Variants in SRGAP3 observed in about 807,000 individuals in gnomAD.
SRGAP3 encodes SLIT-ROBO Rho GTPase-activating protein 3.
Under a neutral mutation model 121.1 loss-of-function variants are expected in SRGAP3, and 39 were observed. The ratio of observed to expected loss-of-function variants is 0.32; its 90% CI spans 0.25 to 0.42. The LOEUF (loss-of-function observed/expected upper bound fraction) is 0.42, where lower values mean the gene tolerates loss of function less well. Among genes scored for constraint, SRGAP3 ranks in the 10% least tolerant of loss-of-function variants. SRGAP3 has a pLI of 1.00. For synonymous variants in SRGAP3, 601 were observed against 570.0 expected (o/e 1.05, Z -0.77); for missense variants, 1,213 against 1,470.6 (o/e 0.82, Z 2.86).
chr3:9,049,522 G>T, intron 9 of SRGAP3: 1 of 455,908 alleles, frequency 2.2e-6, no homozygotes, highest in Non-Finnish European at 4.4e-6. Flanking sequence ...TGGGTACCTC[G>T]GGCAGATTAC....
rs748768469 is a variant in SRGAP3, at chr3:8,994,475, G to A, written c.2276C>T (p.Ser759Phe). The A allele has an allele frequency of 3.7e-6, 6 of 1,614,052 alleles. No homozygotes were observed. In the African/African-American group the frequency reaches 6.7e-5, roughly 18 times the overall value. Residue 759 changes from serine (S) to phenylalanine (F), a missense_variant, in exon 19 of 22, where the codon TCC becomes TTC. Ser to Phe is a radical substitution (Grantham distance 155). This residue lies in a region of SRGAP3 where 793 missense variants were observed against 1,032.9 expected (regional missense o/e 0.77). Coordinates refer to ENST00000383836, the MANE Select transcript of SRGAP3 (RefSeq NM_014850.4). ...AIAKFDYMGR[S>F]PRELSFKKGA... ...CTTCTTGAAGGATAGCTCACGCGGG[G>A]ACCGCCCCATGTAGTCAAACTTGGC...
chr3:9,056,254 G>A lies in SRGAP3; in HGVS notation c.1104C>T (p.Thr368=), dbSNP rs1455531681. ...RYHQLQSRLA[T]LKIENEEVRK... ...TCACCTCCTCATTCTCTATCTTGAGGGTGGCCAGTCTGGACTGCAGCTGGT... is the reference window on the plus strand; with the variant it reads ...TCACCTCCTCATTCTCTATCTTGAGAGTGGCCAGTCTGGACTGCAGCTGGT... Residue 368 remains threonine (T), a synonymous_variant, in exon 8 of 22, where the codon ACC becomes ACT. Transcript: ENST00000383836. 1 of 1,614,070 alleles carries A rather than the reference G, an allele frequency of 6.2e-7. No homozygotes were observed. Among genetic ancestry groups the A allele is most frequent in the Admixed American group, 1.7e-5 (1 of 60,032 alleles).
chr3:9,317,965 T>C (rs1001222120), intron 3 of SRGAP3, among the ~76,000 whole-genome samples: 1 of 152,278 alleles, frequency 6.6e-6, no homozygotes, highest in Non-Finnish European at 1.5e-5. Context: ...GTGCTGGTTA[T>C]GGTTCTTAAT....
intron 1 of SRGAP3, chr3:9,219,637 T>A: frequency 6.6e-6 from 1 of 151,942 alleles, no homozygotes; most frequent in East Asian, 1.9e-4. Context: ...GATCACGGGG[T>A]CAGGAGATCA....
chr3:9,029,792 T>G lies in SRGAP3; in HGVS notation c.1540-2797A>C, dbSNP rs569796426. 2.6e-5 allele frequency among the ~76,000 whole-genome samples: 4 copies of G among 152,282 alleles called. No individual in the cohort carries two copies. The South Asian group carries it at 8.3e-4, about 32-fold the overall frequency. ...CTTAGCTCATAGTAGGTGCACAGTA[T>G]GAGTTTATTGAACTGTGCTGATGGT... is the stretch of plus-strand genomic sequence containing the variant. On this transcript the variant is annotated intron_variant, in intron 12 of 21. Coordinates refer to ENST00000383836, the MANE Select transcript of SRGAP3 (RefSeq NM_014850.4).
chr3:8,992,320 T>A lies in SRGAP3; in HGVS notation c.2558+586A>T, dbSNP rs537318256. 1.2e-4 allele frequency among the ~76,000 whole-genome samples: 18 copies of A among 152,316 alleles called. No individual in the cohort carries two copies. In the South Asian group the frequency reaches 3.7e-3, roughly 32 times the overall value. On this transcript the variant is annotated intron_variant, in intron 20 of 21. Coordinates refer to ENST00000383836, the MANE Select transcript of SRGAP3 (RefSeq NM_014850.4). ...ATTAATTTTTTAAAAAATAACCACATACTTTGGATTATACCTGTTCTCAGA... is the reference window on the plus strand; with the variant it reads ...ATTAATTTTTTAAAAAATAACCACAAACTTTGGATTATACCTGTTCTCAGA...
At chr3:9,082,755 T>G (rs989158130) in intron 3 of SRGAP3, among the ~76,000 whole-genome samples, 6 of 152,158 alleles carry the variant, frequency 3.9e-5, no homozygotes, top group Admixed American at 6.5e-5. Flanking sequence ...CTTGCAGAGG[T>G]GAGAAGCCTC....
intron 1 of SRGAP3, among the ~76,000 whole-genome samples, chr3:9,199,287 A>G (rs539262210): frequency 3.0e-4 from 45 of 152,342 alleles, no homozygotes; most frequent in African/African-American, 1.1e-3. Context: ...TTCTCACTTC[A>G]TCAGCACCTC....
intron 16 of SRGAP3, 33 bp downstream of exon 16, chr3:9,013,704 A>G (rs760310597): frequency 6.2e-7 from 1 of 1,610,300 alleles, no homozygotes; most frequent in Admixed American, 1.7e-5. Flanking sequence ...GCCAGGCCTG[A>G]GTCAAAAAGG....
chr3:9,247,201 A>T (rs1185137709), intron 1 of SRGAP3, among the ~76,000 whole-genome samples: 1 of 152,186 alleles, frequency 6.6e-6, no homozygotes, highest in East Asian at 1.9e-4. Flanking sequence ...AAACTCCCTA[A>T]AAAGAGTCTA....
intron 3 of SRGAP3, among the ~76,000 whole-genome samples, chr3:9,318,782 G>A (rs989281996): frequency 2.0e-4 from 30 of 151,494 alleles, no homozygotes; most frequent in African/African-American, 7.3e-4. Flanking sequence ...AGGAGGCTGA[G>A]ATGGGGGGAT....
At chr3:9,117,372 C>T (rs889905062) in intron 2 of SRGAP3, among the ~76,000 whole-genome samples, 1 of 152,210 alleles carries the variant, frequency 6.6e-6, no homozygotes, top group African/African-American at 2.4e-5. Flanking sequence ...GAAGTGTTTT[C>T]TTGGAAATGA....
chr3:9,169,885 C>A (rs2125095448), intron 1 of SRGAP3, among the ~76,000 whole-genome samples: 1 of 152,216 alleles, frequency 6.6e-6, no homozygotes, highest in East Asian at 1.9e-4. Context: ...GGTTCCTGCC[C>A]CACTTTCTAG....
intron 14 of SRGAP3, among the ~76,000 whole-genome samples, chr3:9,017,294 C>T (rs148850495): frequency 3.1e-4 from 47 of 152,202 alleles, no homozygotes; most frequent in African/African-American, 1.1e-3. Flanking sequence ...ATTACCTTCA[C>T]TTATTTTGTA....
At chr3:9,028,914 A>T (rs1357637188) in intron 12 of SRGAP3, among the ~76,000 whole-genome samples, 1 of 152,084 alleles carries the variant, frequency 6.6e-6, no homozygotes, top group African/African-American at 2.4e-5. Flanking sequence ...CTTTCACTAA[A>T]AGCCACTGAT....
At chr3:9,313,249 C>T (rs981597387) in intron 3 of SRGAP3, among the ~76,000 whole-genome samples, 8 of 152,206 alleles carry the variant, frequency 5.3e-5, no homozygotes, top group African/African-American at 1.2e-4. Context: ...CCACATGGCA[C>T]GTTCACTCAG....
Position 9,356,210 on chromosome 3 carries a change from T to TTTTG in SRGAP3, n.214+6629_214+6630insCAAA, listed in dbSNP as rs1559291019. Among the ~76,000 whole-genome samples, 136 of 139,930 alleles carry TTTTG rather than the reference T, an allele frequency of 9.7e-4. 7 individuals carry two copies. The highest frequency in any genetic ancestry group is 3.4e-3 in the African/African-American group (118 of 34,738). The allele number at this position is 139,930 out of a possible 152,430, so 91.8% of individuals were successfully genotyped here. Reference sequence around the variant, plus strand: ...TTTTTTTCTTTTTTTTTTTTTTTTTTTGAGACAGGATCTCACTGTCACCCA... The same window carrying TTTTG: ...TTTTTTTCTTTTTTTTTTTTTTTTTTTTTGTGAGACAGGATCTCACTGTCACCCA... On this transcript the variant is annotated intron_variant and non_coding_transcript_variant, in intron 1 of 3. Transcript: ENST00000490889.
chr3:9,256,927 T>C, intron 3 of SRGAP3: 1 of 398,406 alleles, frequency 2.5e-6, no homozygotes, highest in East Asian at 3.6e-5. Flanking sequence ...GAATAGATTC[T>C]AGAGCTGAGT....
At chr3:9,125,100 C>T in intron 1 of SRGAP3, 183 bp from the exon 2 acceptor site, 1 of 695,898 alleles carries the variant, frequency 1.4e-6, no homozygotes, top group Non-Finnish European at 2.4e-6. Flanking sequence ...AGATTTCTCT[C>T]TTGCTCGTTT....
Sources: gnomAD v4.1 joint callset for allele counts (sites outside exome capture counted in the v4.1 genomes callset) on GRCh38, gnomAD v4.1.1 for gene constraint, gnomAD v4.1.1 regional missense constraint, MANE v1.5 for transcripts, NCBI Gene and HGNC (gene_info 2026-07-23, HGNC 2026-07-21) for gene names.